The following ZNF578 variants were observed in gnomAD, a reference collection of about 807,000 sequenced individuals.
ZNF578 encodes the protein Putative chemokine-related protein B42.
Under a neutral mutation model 8.3 loss-of-function variants are expected in ZNF578, and 8 were observed. The ratio of observed to expected loss-of-function variants is 0.96; its 90% confidence interval spans 0.56 to 1.74. The LOEUF is 1.74. ZNF578 is among the 40% of genes most tolerant of loss of function. The pLI, the probability that ZNF578 is intolerant of heterozygous loss-of-function variation, is 0.00. For synonymous variants in ZNF578, 206 were observed against 232.2 expected (o/e 0.89, Z 1.03); for missense variants, 726 against 707.5 (o/e 1.03, Z -0.30).
chr19:52,507,293 T>C (rs978255455), intron 5 of ZNF578, among the ~76,000 whole-genome samples: 1 of 152,034 alleles, frequency 6.6e-6, no homozygotes, highest in East Asian at 1.9e-4. Flanking sequence ...GAGGCTGAGA[T>C]GGGAGAATCA....
chr19:52,458,843 A>G (rs984890942), intron 2 of ZNF578: 1 of 152,078 alleles, frequency 6.6e-6, no homozygotes, highest in Admixed American at 6.5e-5. Flanking sequence ...TTTTGTTTAC[A>G]TTTGTGTTTA....
At chr19:52,498,684 C>CCTTTTTTTTTTT in intron 3 of ZNF578, among the ~76,000 whole-genome samples, 1 of 106,852 alleles carries the variant, frequency 9.4e-6, no homozygotes, top group Non-Finnish European at 1.8e-5. Context: ...CGCCTGGCCG[C>CCTTTTTTTTTTT]TTTTTTTTTT....
At position 52,459,612 on chromosome 19, in the gene ZNF578, TACACACAC is replaced by T. The variant is rs71180468; in HGVS notation, c.-122+2686_-122+2693del. ...TGCTTTCAAGTCTTTAATGTGTATG[TACACACAC>T]ACACACACACACACACACACACACA... On this transcript the variant is annotated intron_variant, in intron 2 of 5. Transcript: ENST00000421239. 5.1e-3 allele frequency among the ~76,000 whole-genome samples: 605 copies of T among 118,768 alleles called. 5 individuals carry two copies. Among genetic ancestry groups the T allele is most frequent in the Admixed American group, 7.3e-3 (82 of 11,304 alleles). 77.9% of individuals were successfully genotyped at this position (118,768 alleles called of 152,430 possible).
At chr19:52,465,183 G>A (rs901791425) in intron 2 of ZNF578, among the ~76,000 whole-genome samples, 1 of 152,020 alleles carries the variant, frequency 6.6e-6, no homozygotes, top group Non-Finnish European at 1.5e-5. Context: ...ACTGCAGGGC[G>A]AGCCTGAATT....
chr19:52,506,978 C>T lies in ZNF578; in HGVS notation c.190+2197C>T, dbSNP rs566062607. The stretch of plus-strand genomic sequence containing the variant: ...TTAGAAATAGCTTAGACTGGCCAGC[C>T]GCAGTGGCTTATGCCTCTATTTCCA... On this transcript the variant is annotated intron_variant, in intron 5 of 5. Transcript: ENST00000421239. Among the ~76,000 whole-genome samples, 10 of 152,258 alleles carry T rather than the reference C, an allele frequency of 6.6e-5. No homozygotes were observed. In the South Asian group the frequency reaches 1.4e-3, roughly 22 times the overall value.
chr19:52,493,925 G>C (rs953780036), intron 3 of ZNF578, among the ~76,000 whole-genome samples: 7 of 149,406 alleles, frequency 4.7e-5, no homozygotes, highest in Non-Finnish European at 8.9e-5. Flanking sequence ...GGGAGGCGGA[G>C]GTTGTGGTGA....
At chr19:52,458,448 AC>A (rs892241933) in intron 2 of ZNF578, 2 of 110,802 alleles carry the variant, frequency 1.8e-5, no homozygotes, top group African/African-American at 6.6e-5. Context: ...TAAAAAAAAA[AC>A]AACAACTTGC....
In ZNF578 at chr19:52,515,122, C is replaced by T. The variant is rs2059468192; in HGVS notation, c.*2968C>T. The stretch of plus-strand genomic sequence containing the variant: ...GGGATTACAGGTGCCCTCCACCACT[C>T]CCGGCTCATTTTTTGCATTTTTAGT... On this transcript the variant is annotated 3_prime_UTR_variant, in exon 6 of 6. Transcript: ENST00000421239. Among the ~76,000 whole-genome samples the T allele has an allele frequency of 6.6e-6, 1 of 151,894 alleles. No homozygotes were observed. Among genetic ancestry groups the T allele is most frequent in the South Asian group, 2.1e-4 (1 of 4,800 alleles).
At position 52,512,427 on chromosome 19, in the gene ZNF578, C is replaced by T. The variant is rs1320049696; in HGVS notation, c.*273C>T. ...GAATCCATAATGAAGAGAGATCTTC[C>T]GAGTGTAATAAATGTGGCAAATTTT... On this transcript the variant is annotated 3_prime_UTR_variant, in exon 6 of 6. Coordinates refer to ENST00000421239, the MANE Select transcript of ZNF578 (RefSeq NM_001099694.2). The T allele has an allele frequency of 3.6e-5, 52 of 1,439,642 alleles. 1 individual carries two copies. The South Asian group carries it at 4.0e-4, about 11-fold the overall frequency. 89.2% of individuals were successfully genotyped at this position (1,439,642 alleles called of 1,614,324 possible). A position where few individuals can be genotyped will look rare whatever the true frequency, so the allele number is the denominator to read the frequency against.
chr19:52,478,001 C>T (rs757408224), intron 2 of ZNF578, among the ~76,000 whole-genome samples: 3 of 152,176 alleles, frequency 2.0e-5, no homozygotes, highest in East Asian at 1.9e-4. Flanking sequence ...TGATAAGCAG[C>T]GTCTGGGAGT....
Position 52,511,252 on chromosome 19 carries a change from G to A in ZNF578, c.871G>A (p.Glu291Lys). 6.2e-7 allele frequency: 1 copy of A among 1,614,126 alleles called. No individual in the cohort carries two copies. The highest frequency in any genetic ancestry group is 8.5e-7 in the Non-Finnish European group (1 of 1,180,024). ...TAGTGAGAAACCTTACAAGTGTAAT[G>A]AATGTGGAAAGTCCTTCAGTTACAA... ...HTSEKPYKCN[E>K]CGKSFSYKSS... The change falls in exon 6 of 6, where the codon GAA (glutamate) becomes AAA (lysine). Residue 291 changes from glutamate to lysine, a missense_variant. By Grantham distance (56) the Glu-to-Lys change is moderately conservative. Coordinates refer to ENST00000421239, the MANE Select transcript of ZNF578 (RefSeq NM_001099694.2).
chr19:52,465,205 A>G (rs2059270744), intron 2 of ZNF578, among the ~76,000 whole-genome samples: 1 of 152,116 alleles, frequency 6.6e-6, no homozygotes, highest in South Asian at 2.1e-4. Context: ...CCCCCTCCCC[A>G]TAATGAACTG....
Position 52,511,312 on chromosome 19 carries a change from G to A in ZNF578, c.931G>A (p.Gly311Ser), listed in dbSNP as rs878891970. 2.5e-6 allele frequency: 4 copies of A among 1,613,128 alleles called. No individual in the cohort carries two copies. The highest frequency in any genetic ancestry group is 1.3e-5 in the African/African-American group (1 of 74,672). ...GACATGCCATCGTAGATGTCACACT[G>A]GTGAGAAACCTTACAAGTGTAATGA... ...SLTCHRRCHT[G>S]EKPYKCNECG... The change falls in exon 6 of 6, where the codon GGT becomes AGT. Residue 311 changes from glycine (G) to serine (S), a missense_variant. Gly to Ser is a moderately conservative substitution (Grantham distance 56). Transcript: ENST00000421239.
chr19:52,471,072 T>A (rs1224132802), intron 2 of ZNF578, among the ~76,000 whole-genome samples: 1 of 152,174 alleles, frequency 6.6e-6, no homozygotes, highest in Non-Finnish European at 1.5e-5. Context: ...GTGCCTGCTC[T>A]TACTTCACCT....
chr19:52,500,877 CT>C (rs10594903), intron 3 of ZNF578, among the ~76,000 whole-genome samples: 39,628 of 116,966 alleles, frequency 0.34, 6,087 homozygotes, highest in Non-Finnish European at 0.42. Context: ...TTTTGTGTGA[CT>C]TTTTTTTTTT....
At chr19:52,488,860 T>C (rs1197760771) in intron 2 of ZNF578, among the ~76,000 whole-genome samples, 3 of 151,900 alleles carry the variant, frequency 2.0e-5, no homozygotes, top group Non-Finnish European at 2.9e-5. Flanking sequence ...CCCAGCACTT[T>C]GGGAGCAAAT....
rs1555751349 is a variant in ZNF578, at chr19:52,459,769, A to ATATATATATTTTTTTTT, written c.-122+2812_-122+2813insATATATATTTTTTTTTT. Among the ~76,000 whole-genome samples the ATATATATATTTTTTTTT allele has an allele frequency of 1.1e-4, 2 of 17,620 alleles. 1 individual carries two copies. The highest frequency in any genetic ancestry group is 2.0e-4 in the Non-Finnish European group (2 of 10,084). 11.6% of individuals were successfully genotyped at this position (17,620 alleles called of 152,430 possible). The stretch of plus-strand genomic sequence containing the variant: ...TGTGTGTGTATATATATATATATAT[A>ATATATATATTTTTTTTT]TTTTTTTTTTTTTTTTTTTTTTTTG... On this transcript the variant is annotated intron_variant, in intron 2 of 5. Transcript: ENST00000421239.
At chr19:52,457,939 T>C (rs1416676732) in intron 2 of ZNF578, 1 of 153,790 alleles carries the variant, frequency 6.5e-6, no homozygotes, top group Non-Finnish European at 1.5e-5. Flanking sequence ...CTGTGGAATT[T>C]GTGAAGAGGC....
In ZNF578 at chr19:52,512,131, A is replaced by C. The variant is rs4802965; in HGVS notation, c.1750A>C (p.Ile584Leu). ...TCACAATCACTTGATTGATTCATCAATCAAGCCTTGCATGTCATCATAGAC... is the reference window on the plus strand; with the variant it reads ...TCACAATCACTTGATTGATTCATCACTCAAGCCTTGCATGTCATCATAGAC... ...KAHNHLIDSS[I>L]KPCMSS is the part of the protein sequence containing the mutation. The change falls in exon 6 of 6, where the codon ATC (isoleucine) becomes CTC (leucine). Residue 584 changes from isoleucine to leucine, a missense_variant. Coordinates refer to ENST00000421239, the MANE Select transcript of ZNF578 (RefSeq NM_001099694.2). The C allele has an allele frequency of 2.4e-5, 39 of 1,611,860 alleles. No individual in the cohort carries two copies. In the African/African-American group the frequency reaches 4.6e-4, roughly 19 times the overall value.
Sources: allele counts gnomAD v4.1 joint callset (sites outside exome capture counted in the v4.1 genomes callset), GRCh38; gene constraint gnomAD v4.1.1; transcripts MANE v1.5; gene names NCBI Gene and HGNC (gene_info 2026-07-23, HGNC 2026-07-21).